CHST8: variants seen among roughly 807,000 people sequenced by gnomAD.
The protein encoded by CHST8 is carbohydrate sulfotransferase 8.
In CHST8, 10 loss-of-function variants were observed where a neutral mutation model predicts 15.0. That is an observed-to-expected ratio of 0.67 (90% CI 0.41 to 1.13). The LOEUF is 1.13. CHST8 is among the 50% of genes most tolerant of loss of function. The probability of loss-of-function intolerance (pLI) is 0.00; values close to 1 mark genes in which losing one functional copy is unlikely to be tolerated. For synonymous variants in CHST8, 259 were observed against 256.6 expected, an observed-to-expected ratio of 1.01 and a Z score of -0.09; for missense variants, 634 against 608.2, an observed-to-expected ratio of 1.04 and a Z score of -0.45.
chr19:33,706,934 A>C lies in CHST8; in HGVS notation c.130+17543A>C, dbSNP rs144519272. Among the ~76,000 whole-genome samples the C allele has an allele frequency of 6.8e-3, 1,035 of 152,264 alleles. 7 individuals are homozygous for C. Among genetic ancestry groups the C allele is most frequent in the Middle Eastern group, 0.034 (10 of 292 alleles). On this transcript the variant is annotated intron_variant, in intron 3 of 4. Transcript: ENST00000650847. ...CGGGAGGAGGTGTGTTATTCCTGCC[A>C]GGGAAATTTTCCACTTTCACTCACT...
chr19:33,729,845 G>A (rs1275124044), intron 3 of CHST8, among the ~76,000 whole-genome samples: 2 of 152,234 alleles, frequency 1.3e-5, no homozygotes, highest in Non-Finnish European at 2.9e-5. Context: ...GCAGGGTGAA[G>A]TGCCAGGGGC....
At chr19:33,757,450 GAAAGA>G in intron 3 of CHST8, among the ~76,000 whole-genome samples, 1 of 31,022 alleles carries the variant, frequency 3.2e-5, no homozygotes, top group East Asian at 5.8e-4. Context: ...AAGAAAGAAA[GAAAGA>G]AAGAAAGAAA....
chr19:33,674,935 G>T (rs1204519277), intron 2 of CHST8, among the ~76,000 whole-genome samples: 2 of 152,256 alleles, frequency 1.3e-5, no homozygotes, highest in South Asian at 4.1e-4. Flanking sequence ...AGGCAGAGGA[G>T]TGGGAGTTTC....
chr19:33,731,006 C>G (rs974201759), intron 3 of CHST8, among the ~76,000 whole-genome samples: 2 of 152,176 alleles, frequency 1.3e-5, no homozygotes, highest in African/African-American at 4.8e-5. Flanking sequence ...TTATTCTAGC[C>G]GTGCTTGCAA....
intron 1 of CHST8, among the ~76,000 whole-genome samples, chr19:33,625,385 T>G (rs1420812015): frequency 6.6e-6 from 1 of 151,294 alleles, no homozygotes; most frequent in Non-Finnish European, 1.5e-5. Context: ...CCCGCATGGC[T>G]GCTCTTTAGT....
chr19:33,763,633 G>A (rs1027051610), intron 3 of CHST8, among the ~76,000 whole-genome samples: 8 of 152,276 alleles, frequency 5.3e-5, no homozygotes, highest in Non-Finnish European at 1.0e-4. Context: ...CATGAACACA[G>A]ATGAGAATTG....
chr19:33,686,511 T>C (rs1469697191), intron 2 of CHST8, among the ~76,000 whole-genome samples: 1 of 152,236 alleles, frequency 6.6e-6, no homozygotes, highest in Non-Finnish European at 1.5e-5. Context: ...CGCCAGCTAC[T>C]GAACAAATGA....
At chr19:33,648,857 A>G (rs1239784025) in intron 1 of CHST8, among the ~76,000 whole-genome samples, 2 of 150,502 alleles carry the variant, frequency 1.3e-5, no homozygotes. Flanking sequence ...AAATGTGTAT[A>G]TCTGTACAAT....
At chr19:33,698,880 C>A (rs1160643511) in intron 3 of CHST8, among the ~76,000 whole-genome samples, 1 of 152,164 alleles carries the variant, frequency 6.6e-6, no homozygotes, top group African/African-American at 2.4e-5. Flanking sequence ...CAGGTCGACA[C>A]ACTCACTCCT....
At chr19:33,758,378 T>C (rs1252680319) in intron 3 of CHST8, among the ~76,000 whole-genome samples, 2 of 152,204 alleles carry the variant, frequency 1.3e-5, no homozygotes, top group Non-Finnish European at 2.9e-5. Context: ...CACCCATCCC[T>C]GAGCCCCTAG....
At chr19:33,706,750 CAG>C (rs1973455169) in intron 3 of CHST8, among the ~76,000 whole-genome samples, 1 of 152,132 alleles carries the variant, frequency 6.6e-6, no homozygotes, top group Non-Finnish European at 1.5e-5. Context: ...TCCCAGAACC[CAG>C]CCAGAAGTAG....
intron 1 of CHST8, among the ~76,000 whole-genome samples, chr19:33,650,081 T>C (rs1972414829): frequency 6.6e-6 from 1 of 152,096 alleles, no homozygotes; most frequent in Non-Finnish European, 1.5e-5. Context: ...GTTCTGTGAG[T>C]CTTATGATCT....
At chr19:33,743,301 T>C (rs1311243595) in intron 3 of CHST8, among the ~76,000 whole-genome samples, 2 of 145,542 alleles carry the variant, frequency 1.4e-5, no homozygotes, top group Non-Finnish European at 3.0e-5. Context: ...CAATTCTTTT[T>C]TTTTTTTTTT....
chr19:33,636,649 C>T (rs376622424), intron 1 of CHST8, among the ~76,000 whole-genome samples: 148 of 152,274 alleles, frequency 9.7e-4, no homozygotes, highest in African/African-American at 3.3e-3. Flanking sequence ...GCCTGTAATC[C>T]CAGCACTTTC....
chr19:33,626,419 G>A (rs918312384), intron 1 of CHST8, among the ~76,000 whole-genome samples: 5 of 152,008 alleles, frequency 3.3e-5, no homozygotes, highest in Admixed American at 3.3e-4. Context: ...CTTTTAGGAA[G>A]TCAGAGAGTA....
At chr19:33,630,810 T>C (rs1233121575) in intron 1 of CHST8, among the ~76,000 whole-genome samples, 1 of 152,240 alleles carries the variant, frequency 6.6e-6, no homozygotes, top group African/African-American at 2.4e-5. Flanking sequence ...CTACACTTGG[T>C]TGAGTCTAGG....
rs536634286 is a variant in CHST8, at chr19:33,628,224, T to C, written c.-164+5928T>C. Among the ~76,000 whole-genome samples, 5 of 152,020 alleles carry C rather than the reference T, an allele frequency of 3.3e-5. No homozygotes were observed. In the South Asian group the frequency reaches 1.0e-3, roughly 32 times the overall value. On this transcript the variant is annotated intron_variant, in intron 1 of 4. Transcript: ENST00000650847. ...TGCAAAGGGCTTCCTGTGGAGGGAA[T>C]GTGTGAGAGGGCATGAGGAGCACCA... is the stretch of plus-strand genomic sequence containing the variant.
chr19:33,744,092 C>T (rs1206368852), intron 3 of CHST8, among the ~76,000 whole-genome samples: 1 of 152,186 alleles, frequency 6.6e-6, no homozygotes, highest in Non-Finnish European at 1.5e-5. Context: ...TGCCCAGCCT[C>T]TCTGATCTCT....
At chr19:33,750,435 G>A (rs1407234890) in intron 3 of CHST8, among the ~76,000 whole-genome samples, 1 of 152,172 alleles carries the variant, frequency 6.6e-6, no homozygotes, top group East Asian at 1.9e-4. Flanking sequence ...CCATCCGGGA[G>A]GAGAAGCCAC....
Sources: allele counts gnomAD v4.1 joint callset (sites outside exome capture counted in the v4.1 genomes callset), GRCh38; gene constraint gnomAD v4.1.1; transcripts MANE v1.5; gene names NCBI Gene and HGNC (gene_info 2026-07-23, HGNC 2026-07-21).